The following ARL15 variants were observed in gnomAD, a reference collection of about 807,000 sequenced individuals.
ARL15 encodes the protein ARF like GTPase 15.
ARL15 carries 19 observed loss-of-function variants against 25.2 expected under a neutral mutation model. The observed-to-expected ratio is 0.75, with a 90% CI of 0.53 to 1.10. ARL15 has a LOEUF of 1.10. Among genes scored for constraint, ARL15 ranks in the 50% least tolerant of loss-of-function variants. The probability of loss-of-function intolerance (pLI) is 0.00; values close to 1 mark genes in which losing one functional copy is unlikely to be tolerated. For missense variants in ARL15, 220 were observed against 246.0 expected, an observed-to-expected ratio of 0.89 and a Z score of 0.71; for synonymous variants, 94 against 86.8, an observed-to-expected ratio of 1.08 and a Z score of -0.46.
chr5:53,922,906 C>A (rs534849591), intron 4 of ARL15, among the ~76,000 whole-genome samples: 41 of 152,262 alleles, frequency 2.7e-4, no homozygotes, highest in African/African-American at 9.6e-4. Context: ...TCAAGTAGAG[C>A]AGCACTCCAT....
intron 4 of ARL15, among the ~76,000 whole-genome samples, chr5:54,055,248 C>T (rs10050767): frequency 1.6e-4 from 25 of 151,700 alleles, no homozygotes; most frequent in Admixed American, 4.6e-4. Context: ...CTACAGTAAA[C>T]GGCATAGTAT....
Position 54,081,618 on chromosome 5 carries a change from C to G in ARL15, c.462+31584G>C, listed in dbSNP as rs181838482. ...TGAGATCTGATGGTATTATAAATTGCTTTTCCCCCTTTGTTCAGCACTTCC... is the reference window on the plus strand; with the variant it reads ...TGAGATCTGATGGTATTATAAATTGGTTTTCCCCCTTTGTTCAGCACTTCC... On this transcript the variant is annotated intron_variant, in intron 4 of 4. Coordinates refer to ENST00000504924, the MANE Select transcript of ARL15 (RefSeq NM_019087.3). Among the ~76,000 whole-genome samples, 277 of 152,246 alleles carry G rather than the reference C, an allele frequency of 1.8e-3. 1 individual carries two copies. Among genetic ancestry groups the G allele is most frequent in the South Asian group, 2.5e-3 (12 of 4,818 alleles).
At chr5:54,136,266 A>G (rs1231388173) in intron 3 of ARL15, among the ~76,000 whole-genome samples, 3 of 152,232 alleles carry the variant, frequency 2.0e-5, no homozygotes, top group Admixed American at 6.5e-5. Context: ...TTTTCTAATC[A>G]TCCTTCAAAT....
At chr5:53,889,389 A>AT (rs1471882571) in intron 4 of ARL15, among the ~76,000 whole-genome samples, 26 of 152,256 alleles carry the variant, frequency 1.7e-4, no homozygotes. Flanking sequence ...TCACACAGGC[A>AT]TACATGGAAG....
intron 4 of ARL15, among the ~76,000 whole-genome samples, chr5:54,084,012 C>T (rs1008558757): frequency 1.3e-5 from 2 of 152,116 alleles, no homozygotes; most frequent in Non-Finnish European, 2.9e-5. Context: ...AGCGTTTATT[C>T]CATAGCCAGG....
intron 2 of ARL15, among the ~76,000 whole-genome samples, chr5:54,164,799 TA>T (rs936276687): frequency 1.3e-5 from 2 of 152,110 alleles, no homozygotes; most frequent in East Asian, 3.9e-4. Flanking sequence ...TCTTGGTTTT[TA>T]AAAAAATCTA....
intron 3 of ARL15, among the ~76,000 whole-genome samples, chr5:54,127,652 G>T (rs1753303177): frequency 6.6e-6 from 1 of 151,906 alleles, no homozygotes. Flanking sequence ...TTTCTTCACA[G>T]AGTTGGAAAA....
At chr5:54,161,863 T>A (rs1754409395) in intron 2 of ARL15, among the ~76,000 whole-genome samples, 1 of 152,188 alleles carries the variant, frequency 6.6e-6, no homozygotes, top group South Asian at 2.1e-4. Context: ...TCTTCCACAC[T>A]GAAGTCTACA....
At chr5:54,064,576 T>A (rs375018337) in intron 4 of ARL15, among the ~76,000 whole-genome samples, 1 of 152,094 alleles carries the variant, frequency 6.6e-6, no homozygotes, top group Non-Finnish European at 1.5e-5. Flanking sequence ...CAGCCAGTTT[T>A]CCTGAATACT....
At chr5:54,085,917 G>GTT in intron 4 of ARL15, among the ~76,000 whole-genome samples, 1 of 136,384 alleles carries the variant, frequency 7.3e-6, no homozygotes, top group South Asian at 2.4e-4. Flanking sequence ...CCACACATGA[G>GTT]CTTTTTTTTT....
chr5:54,133,887 A>T (rs1315593013), intron 3 of ARL15, among the ~76,000 whole-genome samples: 4 of 152,110 alleles, frequency 2.6e-5, no homozygotes, highest in African/African-American at 9.7e-5. Context: ...ACTCGCAAAA[A>T]TGTTAAGATC....
chr5:54,067,230 C>G (rs1251035393), intron 4 of ARL15: 1 of 152,640 alleles, frequency 6.6e-6, no homozygotes, highest in Non-Finnish European at 1.5e-5. Flanking sequence ...GCTATTTACA[C>G]TGCATTTAGG....
chr5:54,103,465 T>TA (rs1321598751), intron 4 of ARL15, among the ~76,000 whole-genome samples: 1 of 152,044 alleles, frequency 6.6e-6, no homozygotes, highest in Non-Finnish European at 1.5e-5. Context: ...ATTGAAATAA[T>TA]AGAGTCATGG....
intron 4 of ARL15, chr5:54,047,896 C>T (rs957580116): frequency 6.6e-6 from 1 of 152,072 alleles, no homozygotes; most frequent in African/African-American, 2.4e-5. Context: ...TGATGATTTC[C>T]AAATTTACCC....
intron 3 of ARL15, among the ~76,000 whole-genome samples, chr5:54,123,857 T>C (rs1753165108): frequency 6.6e-6 from 1 of 152,190 alleles, no homozygotes; most frequent in African/African-American, 2.4e-5. Flanking sequence ...ATATAAGTGT[T>C]AATGTGTCAT....
At chr5:54,124,927 C>T (rs1192865610) in intron 3 of ARL15, among the ~76,000 whole-genome samples, 1 of 152,156 alleles carries the variant, frequency 6.6e-6, no homozygotes, top group Non-Finnish European at 1.5e-5. Context: ...CTGGTGTAAT[C>T]TCCCCTTGAG....
rs72754270 is a variant in ARL15, at chr5:54,263,456, G to C, written c.48+46976C>G. Among the ~76,000 whole-genome samples the C allele has an allele frequency of 9.8e-3, 1,486 of 152,214 alleles. 9 individuals are homozygous for C. Among genetic ancestry groups the C allele is most frequent in the Middle Eastern group, 0.021 (6 of 292 alleles). Reference sequence around the variant, plus strand: ...GGAATCACATAATTTAAAAAGATAAGGGTGAAGGGGAAAGGGAGCATTTTA... The same window carrying C: ...GGAATCACATAATTTAAAAAGATAACGGTGAAGGGGAAAGGGAGCATTTTA... On this transcript the variant is annotated intron_variant, in intron 1 of 4. Coordinates refer to ENST00000504924, the MANE Select transcript of ARL15 (RefSeq NM_019087.3).
At chr5:54,310,377 C>A (rs1002758750) in intron 1 of ARL15, 55 bp downstream of exon 1, 3 of 1,567,820 alleles carry the variant, frequency 1.9e-6, no homozygotes, top group Non-Finnish European at 2.6e-6. Context: ...AGGCAGGGGG[C>A]CATCGGGCAC....
chr5:54,137,793 T>C (rs1458114143), intron 3 of ARL15, among the ~76,000 whole-genome samples: 2 of 152,138 alleles, frequency 1.3e-5, no homozygotes, highest in Admixed American at 6.5e-5. Flanking sequence ...TGAAATTTAA[T>C]GTGAATTTTA....
Sources: allele counts gnomAD v4.1 joint callset (sites outside exome capture counted in the v4.1 genomes callset), GRCh38; gene constraint gnomAD v4.1.1; transcripts MANE v1.5; gene names NCBI Gene and HGNC (gene_info 2026-07-23, HGNC 2026-07-21).